The following ARHGEF7 variants were observed in gnomAD, a reference collection of about 807,000 sequenced individuals.
The protein encoded by ARHGEF7 is Rho guanine nucleotide exchange factor 7.
In ARHGEF7, 33 loss-of-function variants were observed where a neutral mutation model predicts 109.8. The ratio of observed to expected loss-of-function variants is 0.30; its 90% CI spans 0.23 to 0.40. ARHGEF7 has a LOEUF of 0.40. ARHGEF7 is among the 10% of genes least tolerant of loss of function. ARHGEF7 has a pLI of 1.00. For missense variants in ARHGEF7, 938 were observed against 1,098.5 expected (o/e 0.85, Z 2.07); for synonymous variants, 458 against 424.6 (o/e 1.08, Z -0.97).
At chr13:111,184,767 A>G (rs2153434942) in intron 2 of ARHGEF7, among the ~76,000 whole-genome samples, 1 of 152,284 alleles carries the variant, frequency 6.6e-6, no homozygotes, top group East Asian at 1.9e-4. Context: ...GTTGACTGGC[A>G]TCAGAGCGGA....
intron 5 of ARHGEF7, among the ~76,000 whole-genome samples, chr13:111,224,101 C>T (rs373073117): frequency 1.7e-4 from 26 of 152,282 alleles, no homozygotes; most frequent in South Asian, 6.2e-4. Context: ...GTCATCTGCC[C>T]GCCTCAGCCT....
intron 21 of ARHGEF7, 77 bp downstream of exon 21, chr13:111,301,609 C>G: frequency 1.6e-6 from 2 of 1,286,538 alleles, no homozygotes; most frequent in East Asian, 4.7e-5. Context: ...TAAAAATAAG[C>G]TGGCTGGGTA....
intron 1 of ARHGEF7, among the ~76,000 whole-genome samples, chr13:111,125,632 A>T (rs921587107): frequency 6.6e-6 from 1 of 152,188 alleles, no homozygotes; most frequent in Non-Finnish European, 1.5e-5. Flanking sequence ...GGTTTTGATT[A>T]TTTGTAAATA....
At position 111,217,838 on chromosome 13, in the gene ARHGEF7, G is replaced by A. The variant is rs1174207091; in HGVS notation, c.628G>A (p.Gly210Ser). 3.1e-6 allele frequency: 5 copies of A among 1,613,754 alleles called. No individual in the cohort carries two copies. The highest frequency in any genetic ancestry group is 4.2e-6 in the Non-Finnish European group (5 of 1,179,654). ...WWEGTLNGRT[G>S]WFPSNYVREV... ...GGAGGGCACACTCAACGGCCGGACC[G>A]GCTGGTTCCCCAGCAACTACGTGCG... is the stretch of plus-strand genomic sequence containing the variant. The change falls in exon 5 of 22, where the codon GGC becomes AGC. Residue 210 changes from glycine to serine, a missense_variant. Transcript: ENST00000646102.
chr13:111,277,725 A>G (rs1224535269), intron 13 of ARHGEF7, 52 bp downstream of exon 13: 10 of 1,305,490 alleles, frequency 7.7e-6, no homozygotes, highest in African/African-American at 1.5e-5. Context: ...GATAATTTCA[A>G]ACTGGCTTTG....
intron 2 of ARHGEF7, among the ~76,000 whole-genome samples, chr13:111,160,937 A>G (rs1413750980): frequency 1.3e-5 from 2 of 152,220 alleles, no homozygotes; most frequent in Non-Finnish European, 2.9e-5. Context: ...AGTCTTGGGT[A>G]TGTCTTTGTA....
At chr13:111,277,762 C>CT in intron 13 of ARHGEF7, 89 bp downstream of exon 13, 1 of 897,926 alleles carries the variant, frequency 1.1e-6, no homozygotes, top group African/African-American at 1.7e-5. Flanking sequence ...TTACGTGTAT[C>CT]TATCTGTGTA....
chr13:111,132,853 TAG>T (rs1362071046), intron 1 of ARHGEF7, among the ~76,000 whole-genome samples: 3 of 151,168 alleles, frequency 2.0e-5, no homozygotes, highest in Non-Finnish European at 4.4e-5. Flanking sequence ...GGAAGGTGGG[TAG>T]AGAGTGTTAT....
intron 3 of ARHGEF7, among the ~76,000 whole-genome samples, chr13:111,206,115 T>G (rs2081805340): frequency 6.6e-6 from 1 of 152,120 alleles, no homozygotes; most frequent in Non-Finnish European, 1.5e-5. Flanking sequence ...TTTTTCCTAT[T>G]TACCTTCACG....
chr13:111,167,077 C>T (rs1351411531), intron 2 of ARHGEF7, among the ~76,000 whole-genome samples: 1 of 152,156 alleles, frequency 6.6e-6, no homozygotes, highest in Non-Finnish European at 1.5e-5. Context: ...CTGTAACCAC[C>T]TGAGTAAACG....
intron 8 of ARHGEF7, among the ~76,000 whole-genome samples, chr13:111,256,202 A>G (rs546025891): frequency 1.8e-3 from 270 of 152,338 alleles, no homozygotes; most frequent in African/African-American, 6.3e-3. Context: ...TAAACCAAAG[A>G]AGGCAGGAAG....
chr13:111,252,925 G>C (rs369026677), intron 8 of ARHGEF7, among the ~76,000 whole-genome samples: 3 of 152,336 alleles, frequency 2.0e-5, no homozygotes, highest in African/African-American at 7.2e-5. Context: ...AGTGCTTTTC[G>C]CAGGCCTGGC....
Position 111,182,858 on chromosome 13 carries a change from AC to A in ARHGEF7, c.253-22428del, listed in dbSNP as rs145959768. Among the ~76,000 whole-genome samples the A allele has an allele frequency of 3.1e-4, 47 of 152,294 alleles. No homozygotes were observed. The East Asian group carries it at 7.3e-3, about 24-fold the overall frequency. On this transcript the variant is annotated intron_variant, in intron 2 of 21. Transcript: ENST00000646102. Reference sequence around the variant, plus strand: ...ATTCAGTAGAAACAGTGCTTCGAGTACCCATACAGCCAGTTTTTCAGTATTC... The same window carrying A: ...ATTCAGTAGAAACAGTGCTTCGAGTACCATACAGCCAGTTTTTCAGTATTC...
intron 5 of ARHGEF7, among the ~76,000 whole-genome samples, chr13:111,223,282 G>A (rs962150896): frequency 2.6e-5 from 4 of 152,276 alleles, no homozygotes; most frequent in African/African-American, 9.6e-5. Flanking sequence ...TAGTTAATTA[G>A]TGCTTGATTT....
Position 111,244,247 on chromosome 13 carries a change from A to G in ARHGEF7, c.903A>G (p.Ile301Met), listed in dbSNP as rs1358156911. ...ISYLMGNLEE[I>M]CSFQQMLVQS... Reference sequence around the variant, plus strand: ...ATTTAATGGGAAATCTAGAAGAAATATGTTCTTTCCAGCAAATGCTCGTAC... The same window carrying G: ...ATTTAATGGGAAATCTAGAAGAAATGTGTTCTTTCCAGCAAATGCTCGTAC... Residue 301 changes from isoleucine (I) to methionine (M), a missense_variant, in exon 8 of 22, where the codon ATA becomes ATG. Physicochemically the swap from Ile to Met is conservative, Grantham distance 10 (BLOSUM62 1). Around this residue, in one of 4 missense-constraint regions of ARHGEF7, gnomAD observed 585 missense variants for 723.6 expected, o/e 0.81. Coordinates refer to ENST00000646102, the MANE Select transcript of ARHGEF7 (RefSeq NM_001354046.2). 1 of 1,609,976 alleles carries G rather than the reference A, an allele frequency of 6.2e-7. No individual in the cohort carries two copies. Among genetic ancestry groups the G allele is most frequent in the Non-Finnish European group, 8.5e-7 (1 of 1,178,748 alleles).
chr13:111,250,577 A>G (rs1288631997), intron 8 of ARHGEF7, among the ~76,000 whole-genome samples: 2 of 152,188 alleles, frequency 1.3e-5, no homozygotes, highest in Admixed American at 1.3e-4. Context: ...GTTTTTCCTC[A>G]CACCAGCACT....
chr13:111,155,833 T>C (rs2076275334), intron 2 of ARHGEF7, among the ~76,000 whole-genome samples: 1 of 152,194 alleles, frequency 6.6e-6, no homozygotes, highest in South Asian at 2.1e-4. Flanking sequence ...CCCAGCACTT[T>C]GGGAGGCCGA....
At chr13:111,207,922 A>G (rs1161835105) in intron 3 of ARHGEF7, among the ~76,000 whole-genome samples, 1 of 152,258 alleles carries the variant, frequency 6.6e-6, no homozygotes, top group Non-Finnish European at 1.5e-5. Context: ...AAGTTACCAC[A>G]TAAACTTGGT....
intron 2 of ARHGEF7, among the ~76,000 whole-genome samples, chr13:111,202,600 T>C (rs975974778): frequency 1.3e-5 from 2 of 152,324 alleles, no homozygotes; most frequent in South Asian, 4.1e-4. Context: ...ATGAATCCCG[T>C]CTAAGACACT....
Sources: allele counts gnomAD v4.1 joint callset (sites outside exome capture counted in the v4.1 genomes callset), GRCh38; gene constraint gnomAD v4.1.1; regional missense constraint gnomAD v4.1.1; transcripts MANE v1.5; gene names NCBI Gene and HGNC (gene_info 2026-07-23, HGNC 2026-07-21).